The following TMCO5A variants were observed in gnomAD, a reference collection of about 807,000 sequenced individuals.
TMCO5A encodes the protein transmembrane and coiled-coil domains 5A.
A neutral mutation model predicts 42.3 loss-of-function variants in TMCO5A; 34 were observed. The ratio of observed to expected loss-of-function variants is 0.80; its 90% CI spans 0.61 to 1.07. The LOEUF (loss-of-function observed/expected upper bound fraction) is 1.07, where lower values mean the gene tolerates loss of function less well. TMCO5A is among the 50% of genes least tolerant of loss of function. The probability of loss-of-function intolerance (pLI) is 0.00; values close to 1 mark genes in which losing one functional copy is unlikely to be tolerated. For missense variants in TMCO5A, 357 were observed against 327.9 expected (o/e 1.09, Z -0.69); for synonymous variants, 131 against 115.6 (o/e 1.13, Z -0.86).
intron 11 of TMCO5A, among the ~76,000 whole-genome samples, chr15:37,962,223 A>G (rs140355856): frequency 0.02 from 3,041 of 152,152 alleles, 104 homozygotes; most frequent in African/African-American, 0.069. Context: ...TTGTATGCCA[A>G]TTTTGCTGAG....
chr15:38,017,464 C>A, the TMCO5A span, among the ~76,000 whole-genome samples: 1 of 151,896 alleles, frequency 6.6e-6, no homozygotes, highest in African/African-American at 2.4e-5. Context: ...ACCTGCCTGC[C>A]GGAGAGGAGC....
the TMCO5A span, among the ~76,000 whole-genome samples, chr15:37,996,382 G>A: frequency 1.3e-5 from 2 of 152,190 alleles, no homozygotes; most frequent in Admixed American, 6.5e-5. Flanking sequence ...TGGATTCAAC[G>A]TGGGCGCCTT....
At chr15:38,016,030 C>T in the TMCO5A span, among the ~76,000 whole-genome samples, 3 of 152,096 alleles carry the variant, frequency 2.0e-5, no homozygotes, top group Non-Finnish European at 4.4e-5. Flanking sequence ...TGTACAACAC[C>T]AAGGGTTAAC....
intron 11 of TMCO5A, among the ~76,000 whole-genome samples, chr15:37,958,702 A>G (rs1890351087): frequency 6.6e-6 from 1 of 152,246 alleles, no homozygotes; most frequent in Non-Finnish European, 1.5e-5. Context: ...ATTGTGGGAG[A>G]TCATGTGGCA....
At chr15:37,965,594 C>A (rs1382810726) in intron 11 of TMCO5A, among the ~76,000 whole-genome samples, 1 of 152,090 alleles carries the variant, frequency 6.6e-6, no homozygotes, top group Admixed American at 6.6e-5. Context: ...TTAGAATGGG[C>A]AAAAGATTTG....
chr15:37,962,469 T>A (rs1890454132), intron 11 of TMCO5A, among the ~76,000 whole-genome samples: 1 of 152,196 alleles, frequency 6.6e-6, no homozygotes, highest in Non-Finnish European at 1.5e-5. Context: ...TTAGTATCTA[T>A]CTTCATCAAG....
the TMCO5A span, among the ~76,000 whole-genome samples, chr15:38,011,914 T>A: frequency 6.6e-6 from 1 of 152,042 alleles, no homozygotes; most frequent in African/African-American, 2.4e-5. Flanking sequence ...CACAAGGTCA[T>A]GAGATCGAGA....
the TMCO5A span, among the ~76,000 whole-genome samples, chr15:37,982,494 C>CTATATATAATAGATATTATATATTATA: frequency 2.8e-5 from 4 of 142,288 alleles, no homozygotes; most frequent in East Asian, 2.0e-4. Context: ...TATATATTAT[C>CTATATATAATAGATATTATATATTATA]TATATATAAT....
At chr15:37,941,029 A>C in intron 6 of TMCO5A, 120 bp from the exon 7 acceptor site, 1 of 803,242 alleles carries the variant, frequency 1.2e-6, no homozygotes, top group Non-Finnish European at 2.1e-6. Context: ...CTCTATCAGG[A>C]GACGTGTGAA....
At chr15:38,003,256 C>CCCT in the TMCO5A span, among the ~76,000 whole-genome samples, 3 of 151,776 alleles carry the variant, frequency 2.0e-5, no homozygotes, top group African/African-American at 7.3e-5. Context: ...CTGTCTCCTC[C>CCCT]CATCACTCTC....
At chr15:37,980,639 A>C in the TMCO5A span, among the ~76,000 whole-genome samples, 2 of 10,898 alleles carry the variant, frequency 1.8e-4, no homozygotes, top group African/African-American at 2.2e-4. Flanking sequence ...CATCTTGGCA[A>C]AAAAAAAAAA....
the TMCO5A span, among the ~76,000 whole-genome samples, chr15:38,010,424 A>C: frequency 3.3e-5 from 1 of 30,056 alleles, no homozygotes; most frequent in African/African-American, 1.9e-4. Flanking sequence ...GCAGAGGGAG[A>C]TCACACACAC....
At chr15:38,010,425 TCACACACACACACA>T in the TMCO5A span, among the ~76,000 whole-genome samples, 1 of 117,442 alleles carries the variant, frequency 8.5e-6, no homozygotes, top group South Asian at 3.2e-4. Flanking sequence ...CAGAGGGAGA[TCACACACACACACA>T]CACACACACA....
the TMCO5A span, among the ~76,000 whole-genome samples, chr15:38,028,810 G>A: frequency 3.3e-4 from 50 of 152,236 alleles, no homozygotes; most frequent in African/African-American, 7.2e-4. Context: ...CACCTTGTGC[G>A]CCTGCAAAGG....
the TMCO5A span, among the ~76,000 whole-genome samples, chr15:38,010,205 C>T: frequency 8.2e-6 from 1 of 122,146 alleles, no homozygotes; most frequent in South Asian, 2.9e-4. Flanking sequence ...AACCCCGTCT[C>T]TACTAAAAAA....
intron 11 of TMCO5A, among the ~76,000 whole-genome samples, chr15:37,949,899 C>T (rs941031253): frequency 6.6e-6 from 1 of 152,072 alleles, no homozygotes; most frequent in African/African-American, 2.4e-5. Context: ...ACCAAAATTG[C>T]AGTCATTAAA....
chr15:37,953,586 C>T (rs1218792576), downstream of TMCO5A, among the ~76,000 whole-genome samples: 1 of 151,848 alleles, frequency 6.6e-6, no homozygotes, highest in Non-Finnish European at 1.5e-5. Context: ...GAAGGCCTTC[C>T]CAAGTAGAAT....
At chr15:37,938,036 C>A in intron 5 of TMCO5A, 122 bp from the exon 6 acceptor site, 1 of 800,950 alleles carries the variant, frequency 1.2e-6, no homozygotes, top group Non-Finnish European at 2.0e-6. Context: ...CACCAAATAT[C>A]TACCAAAGGA....
the TMCO5A span, among the ~76,000 whole-genome samples, chr15:37,988,948 T>A: frequency 6.6e-6 from 1 of 151,952 alleles, no homozygotes; most frequent in Non-Finnish European, 1.5e-5. Context: ...GGTACATTTC[T>A]CCAGTGATGC....
Sources: gnomAD v4.1 joint callset for allele counts (sites outside exome capture counted in the v4.1 genomes callset) on GRCh38, gnomAD v4.1.1 for gene constraint, MANE v1.5 for transcripts, NCBI Gene and HGNC (gene_info 2026-07-23, HGNC 2026-07-21) for gene names.